THSD4: variants seen among roughly 807,000 people sequenced by gnomAD.
The protein encoded by THSD4 is thrombospondin type 1 domain containing 4.
A neutral mutation model predicts 119.0 loss-of-function variants in THSD4; 69 were observed. The ratio of observed to expected loss-of-function variants is 0.58; its 90% CI spans 0.48 to 0.71. The LOEUF (loss-of-function observed/expected upper bound fraction) is 0.71, where lower values mean the gene tolerates loss of function less well. THSD4 is among the 30% of genes least tolerant of loss of function. THSD4 has a pLI of 0.00. For missense variants in THSD4, 1,393 were observed against 1,391.1 expected, an observed-to-expected ratio of 1.00 and a Z score of -0.02; for synonymous variants, 524 against 540.4, an observed-to-expected ratio of 0.97 and a Z score of 0.42.
rs2040250110 is a variant in THSD4 at position 71,100,641 on chromosome 15, T to A, written c.-80+3635T>A. Among the ~76,000 whole-genome samples, 4 of 152,176 alleles carry A rather than the reference T, an allele frequency of 2.6e-5. No homozygotes were observed. In the South Asian group the frequency reaches 8.3e-4, roughly 32 times the overall value. ...ATAATTTGTTACATAGAAACAGATA[T>A]CTAATATTTATATCATTTATGTGTT... is the stretch of plus-strand genomic sequence containing the variant. On this transcript the variant is annotated intron_variant, in intron 1 of 17. Coordinates refer to the THSD4 transcript ENST00000355327.
At chr15:71,172,411 C>T (rs1160327375) in intron 3 of THSD4, among the ~76,000 whole-genome samples, 1 of 151,794 alleles carries the variant, frequency 6.6e-6, no homozygotes, top group South Asian at 2.1e-4. Flanking sequence ...GATAACCATT[C>T]TCTTCAAATT....
Position 71,757,936 on chromosome 15 carries a change from G to T in THSD4, c.2450G>T (p.Arg817Leu). 1 of 1,613,828 alleles carries T rather than the reference G, an allele frequency of 6.2e-7. No individual in the cohort carries two copies. Residue 817 changes from arginine to leucine, a missense_variant, in exon 15 of 18, where the codon CGC (arginine) becomes CTC (leucine). By Grantham distance (102) the Arg-to-Leu change is moderately radical. Coordinates refer to ENST00000261862, the MANE Select transcript of THSD4 (RefSeq NM_024817.3). ...SAECGAGVRTRSVVCMTNHVS... is the reference protein window; with the variant it reads ...SAECGAGVRTLSVVCMTNHVS... ...GAGTGTGGGGCCGGAGTGCGGACAC[G>T]CTCGGTGGTGTGCATGACCAACCAT...
intron 6 of THSD4, among the ~76,000 whole-genome samples, chr15:71,267,648 A>G (rs755018659): frequency 6.6e-5 from 10 of 152,242 alleles, no homozygotes; most frequent in Non-Finnish European, 1.0e-4. Flanking sequence ...AAATGCCCCA[A>G]TTAAAAGACA....
At chr15:71,587,629 C>G (rs1460143277) in intron 7 of THSD4, among the ~76,000 whole-genome samples, 2 of 110,294 alleles carry the variant, frequency 1.8e-5, no homozygotes, top group Non-Finnish European at 4.1e-5. Context: ...GTGGTGGGGT[C>G]GGGGGAGAGG....
intron 6 of THSD4, among the ~76,000 whole-genome samples, chr15:71,401,657 G>A (rs983002685): frequency 1.3e-5 from 2 of 152,170 alleles, no homozygotes; most frequent in African/African-American, 2.4e-5. Context: ...GTTGGTGGGA[G>A]TGTAAACTAG....
upstream of THSD4, chr15:71,111,999 G>A (rs1168900330): frequency 1.4e-5 from 15 of 1,068,038 alleles, no homozygotes; most frequent in Non-Finnish European, 2.0e-5. Context: ...TTCCCCATAA[G>A]TTTCCCCCCA....
At chr15:71,107,041 C>G (rs2040276915) in intron 1 of THSD4, among the ~76,000 whole-genome samples, 3 of 152,114 alleles carry the variant, frequency 2.0e-5, no homozygotes, top group Admixed American at 2.0e-4. Context: ...AGCCACATGA[C>G]AGTTGAAAAA....
intron 9 of THSD4, 142 bp downstream of exon 9, chr15:71,728,866 G>A: frequency 1.8e-6 from 2 of 1,087,952 alleles, no homozygotes; most frequent in Non-Finnish European, 2.7e-6. Flanking sequence ...GGCACTCCTT[G>A]AATGCTTGGC....
At chr15:71,342,994 T>C (rs976568601) in intron 6 of THSD4, 3 of 152,252 alleles carry the variant, frequency 2.0e-5, no homozygotes, top group African/African-American at 7.2e-5. Context: ...AGGTTCCATT[T>C]TACCCATATG....
At chr15:71,612,789 G>T (rs946206677) in intron 7 of THSD4, among the ~76,000 whole-genome samples, 1 of 152,180 alleles carries the variant, frequency 6.6e-6, no homozygotes, top group Non-Finnish European at 1.5e-5. Flanking sequence ...TCCAAGCCAG[G>T]GTACTCCAAA....
chr15:71,558,484 G>GT (rs1405149826), intron 7 of THSD4, among the ~76,000 whole-genome samples: 1 of 152,038 alleles, frequency 6.6e-6, no homozygotes, highest in Non-Finnish European at 1.5e-5. Context: ...CAGTTTTAAG[G>GT]TTTTTTTGTT....
chr15:71,248,869 C>T (rs555783652), intron 5 of THSD4, among the ~76,000 whole-genome samples: 2 of 152,196 alleles, frequency 1.3e-5, no homozygotes, highest in African/African-American at 2.4e-5. Flanking sequence ...GTAAATGGGC[C>T]AGGTAAGAAT....
At chr15:71,241,104 T>C (rs1318588615) in intron 4 of THSD4, among the ~76,000 whole-genome samples, 1 of 152,180 alleles carries the variant, frequency 6.6e-6, no homozygotes, top group Non-Finnish European at 1.5e-5. Context: ...AAATCAATGT[T>C]TCACCTTGAT....
chr15:71,111,030 G>C (rs535845560), upstream of THSD4: 5 of 1,156,856 alleles, frequency 4.3e-6, no homozygotes, highest in South Asian at 8.0e-5. Context: ...AGGAGAAGCA[G>C]CCTCGGATCC....
chr15:71,647,972 C>G (rs1501419), intron 7 of THSD4, among the ~76,000 whole-genome samples: 1 of 151,888 alleles, frequency 6.6e-6, no homozygotes, highest in Non-Finnish European at 1.5e-5. Context: ...GAGATATAAG[C>G]GTATAGGTGG....
chr15:71,387,026 C>G (rs1468766241), intron 6 of THSD4, among the ~76,000 whole-genome samples: 1 of 152,096 alleles, frequency 6.6e-6, no homozygotes, highest in Non-Finnish European at 1.5e-5. Flanking sequence ...TTTGTGCTGT[C>G]TTTTTCTTTT....
At chr15:71,542,770 G>A (rs994365817) in intron 7 of THSD4, among the ~76,000 whole-genome samples, 2 of 151,898 alleles carry the variant, frequency 1.3e-5, no homozygotes, top group South Asian at 2.1e-4. Context: ...CCAGCTACTC[G>A]GGACGCTGAG....
Position 71,519,630 on chromosome 15 carries a change from G to A in THSD4, c.1152+107807G>A, listed in dbSNP as rs190134692. ...AACCGCCTTGGCCTCCCAAAGTGCT[G>A]GGATGACAGGCATGAACCACTGTGC... is the stretch of plus-strand genomic sequence containing the variant. On this transcript the variant is annotated intron_variant, in intron 7 of 17. Coordinates refer to ENST00000261862, the MANE Select transcript of THSD4 (RefSeq NM_024817.3). Among the ~76,000 whole-genome samples, 290 of 152,336 alleles carry A rather than the reference G, an allele frequency of 1.9e-3. 3 individuals are homozygous for A. The Middle Eastern group carries it at 0.024, about 13-fold the overall frequency.
At chr15:71,141,820 T>A (rs944251783) in intron 2 of THSD4, among the ~76,000 whole-genome samples, 8 of 152,198 alleles carry the variant, frequency 5.3e-5, no homozygotes, top group Non-Finnish European at 1.2e-4. Flanking sequence ...AAAATTTTTT[T>A]AGGCCGGATG....
Sources: gnomAD v4.1 joint callset for allele counts (sites outside exome capture counted in the v4.1 genomes callset) on GRCh38, gnomAD v4.1.1 for gene constraint, MANE v1.5 for transcripts, NCBI Gene and HGNC (gene_info 2026-07-23, HGNC 2026-07-21) for gene names.